Variants in CSNK1G3 observed in about 807,000 individuals in gnomAD.
The protein encoded by CSNK1G3 is casein kinase 1 gamma 3, also known as casein kinase I isoform gamma-3.
In CSNK1G3, 23 loss-of-function variants were observed where a neutral mutation model predicts 64.3. The ratio of observed to expected loss-of-function variants is 0.36; its 90% CI spans 0.26 to 0.51. CSNK1G3 has a LOEUF of 0.51. Among genes scored for constraint, CSNK1G3 ranks in the 20% least tolerant of loss-of-function variants. The probability of loss-of-function intolerance (pLI) is 0.96; values close to 1 mark genes in which losing one functional copy is unlikely to be tolerated. For synonymous variants in CSNK1G3, 158 were observed against 162.2 expected, an observed-to-expected ratio of 0.97 and a Z score of 0.20; for missense variants, 357 against 510.5, an observed-to-expected ratio of 0.70 and a Z score of 2.90.
chr5:123,553,812 G>T (rs1305631361), intron 3 of CSNK1G3, among the ~76,000 whole-genome samples: 1 of 152,188 alleles, frequency 6.6e-6, no homozygotes, highest in East Asian at 1.9e-4. Context: ...TTTGCAGCCA[G>T]GTTTCCCTGT....
chr5:123,593,726 CTG>C (rs1463386748), intron 10 of CSNK1G3, among the ~76,000 whole-genome samples: 4 of 152,074 alleles, frequency 2.6e-5, no homozygotes, highest in Non-Finnish European at 5.9e-5. Flanking sequence ...CATTATAGAA[CTG>C]TCATAGTTTT....
intron 1 of CSNK1G3, among the ~76,000 whole-genome samples, chr5:123,512,897 G>C (rs759598356): frequency 7.4e-4 from 113 of 152,068 alleles, no homozygotes; most frequent in Non-Finnish European, 1.3e-3. Context: ...CGAGGGAGGT[G>C]GGCCAACTGG....
chr5:123,537,565 A>AT (rs370047977), intron 1 of CSNK1G3, among the ~76,000 whole-genome samples: 109 of 152,276 alleles, frequency 7.2e-4, no homozygotes, highest in African/African-American at 2.6e-3. Context: ...TACCCCATAG[A>AT]TTTGTACAAA....
At chr5:123,601,598 A>T (rs931158357) in intron 10 of CSNK1G3, among the ~76,000 whole-genome samples, 1 of 152,248 alleles carries the variant, frequency 6.6e-6, no homozygotes, top group African/African-American at 2.4e-5. Context: ...TTCCTCTGTG[A>T]ACTGAAGTAA....
At chr5:123,585,698 TAA>T (rs1791206454) in intron 6 of CSNK1G3, among the ~76,000 whole-genome samples, 1 of 152,194 alleles carries the variant, frequency 6.6e-6, no homozygotes, top group Non-Finnish European at 1.5e-5. Flanking sequence ...AAATACAAAT[TAA>T]GTCAGTTAAT....
intron 4 of CSNK1G3, among the ~76,000 whole-genome samples, chr5:123,567,336 C>T (rs1179725967): frequency 1.3e-5 from 2 of 152,214 alleles, no homozygotes; most frequent in East Asian, 1.9e-4. Context: ...CGTGGTGGCT[C>T]ACGCCTGTAA....
intron 4 of CSNK1G3, among the ~76,000 whole-genome samples, chr5:123,558,526 A>G (rs911795813): frequency 2.6e-5 from 4 of 152,176 alleles, no homozygotes; most frequent in Admixed American, 2.6e-4. Context: ...TTTTGTAAGC[A>G]TGTTTACATT....
chr5:123,515,661 T>G (rs1777017728), intron 1 of CSNK1G3, among the ~76,000 whole-genome samples: 1 of 152,188 alleles, frequency 6.6e-6, no homozygotes, highest in South Asian at 2.1e-4. Flanking sequence ...AAAAATCAGT[T>G]TATAAATGCA....
intron 4 of CSNK1G3, among the ~76,000 whole-genome samples, chr5:123,569,234 G>A (rs1403013127): frequency 6.6e-6 from 1 of 152,122 alleles, no homozygotes; most frequent in East Asian, 1.9e-4. Flanking sequence ...AAAGGATAGG[G>A]TAATTTTCCT....
At chr5:123,595,807 GC>G (rs1267209732) in intron 10 of CSNK1G3, among the ~76,000 whole-genome samples, 1 of 151,716 alleles carries the variant, frequency 6.6e-6, no homozygotes, top group Non-Finnish European at 1.5e-5. Flanking sequence ...GCCCTCCGTT[GC>G]CCCATAAATT....
At chr5:123,524,880 G>C (rs750157207) in intron 1 of CSNK1G3, among the ~76,000 whole-genome samples, 11 of 152,240 alleles carry the variant, frequency 7.2e-5, no homozygotes, top group Admixed American at 5.2e-4. Flanking sequence ...TAATGGGTGG[G>C]GGGGAGCACT....
chr5:123,608,776 G>A (rs917491944), intron 12 of CSNK1G3, among the ~76,000 whole-genome samples: 4 of 152,046 alleles, frequency 2.6e-5, no homozygotes, highest in Admixed American at 2.6e-4. Context: ...TTTACTAGTT[G>A]GTCTGTGGTG....
At chr5:123,587,890 T>C (rs565874404) in intron 6 of CSNK1G3, among the ~76,000 whole-genome samples, 178 bp from the exon 7 acceptor site, 1 of 152,280 alleles carries the variant, frequency 6.6e-6, no homozygotes, top group South Asian at 2.1e-4. Flanking sequence ...ATAATCTTAA[T>C]GTAAAAACAT....
chr5:123,582,928 G>C (rs1270604036), intron 6 of CSNK1G3, among the ~76,000 whole-genome samples: 1 of 152,064 alleles, frequency 6.6e-6, no homozygotes, highest in African/African-American at 2.4e-5. Flanking sequence ...AAATTATGAG[G>C]GTAAAGAGCA....
chr5:123,578,370 G>A (rs572653228), intron 6 of CSNK1G3, among the ~76,000 whole-genome samples: 5 of 151,938 alleles, frequency 3.3e-5, no homozygotes, highest in Admixed American at 1.3e-4. Flanking sequence ...TGGCCAAGGG[G>A]TAGTCTTTTA....
At chr5:123,610,845 G>A (rs1255085728) in intron 12 of CSNK1G3, among the ~76,000 whole-genome samples, 1 of 152,068 alleles carries the variant, frequency 6.6e-6, no homozygotes, top group Non-Finnish European at 1.5e-5. Flanking sequence ...TACCAGCTCG[G>A]CGCCTGTAGT....
At chr5:123,566,154 CT>C (rs925613653) in intron 4 of CSNK1G3, among the ~76,000 whole-genome samples, 15 of 152,282 alleles carry the variant, frequency 9.9e-5, no homozygotes, top group African/African-American at 3.6e-4. Context: ...TTAATAGTTT[CT>C]GTGTATTACT....
At chr5:123,552,152 AT>A (rs11455353) in intron 2 of CSNK1G3, among the ~76,000 whole-genome samples, 36 of 148,982 alleles carry the variant, frequency 2.4e-4, no homozygotes, top group East Asian at 7.9e-4. Context: ...TATGATCCTA[AT>A]TTTTTTTTTT....
intron 2 of CSNK1G3, among the ~76,000 whole-genome samples, chr5:123,547,781 A>G (rs1028625255): frequency 3.9e-5 from 6 of 152,132 alleles, no homozygotes; most frequent in African/African-American, 1.4e-4. Flanking sequence ...ATATGTACGC[A>G]TAGAGCTAAT....
Sources: allele counts gnomAD v4.1 joint callset (sites outside exome capture counted in the v4.1 genomes callset), GRCh38; gene constraint gnomAD v4.1.1; transcripts MANE v1.5; gene names NCBI Gene and HGNC (gene_info 2026-07-23, HGNC 2026-07-21).